The following SETD4 variants were observed in gnomAD, a reference collection of about 807,000 sequenced individuals.
SETD4 encodes the protein SET domain-containing protein 4.
In SETD4, 46 loss-of-function variants were observed where a neutral mutation model predicts 58.3. The ratio of observed to expected loss-of-function variants is 0.79; its 90% CI spans 0.62 to 1.01. The LOEUF (loss-of-function observed/expected upper bound fraction) is 1.01, where lower values mean the gene tolerates loss of function less well. Among genes scored for constraint, SETD4 ranks in the 50% least tolerant of loss-of-function variants. The pLI is 0.00. For missense variants in SETD4, 490 were observed against 523.3 expected, an observed-to-expected ratio of 0.94 and a Z score of 0.62; for synonymous variants, 190 against 202.6, an observed-to-expected ratio of 0.94 and a Z score of 0.53.
In SETD4 at chr21:36,040,985, C is replaced by G. The variant is rs773935573; in HGVS notation, c.984-330G>C. On this transcript the variant is annotated intron_variant, in intron 8 of 11. Transcript: ENST00000332131. ...ACCATCCTGGCTAACACGGTGAAAC[C>G]CCATCTCTACTAAAAATACAAAAAA... is the stretch of plus-strand genomic sequence containing the variant. Among the ~76,000 whole-genome samples, 8 of 151,844 alleles carry G rather than the reference C, an allele frequency of 5.3e-5. No individual in the cohort carries two copies. The East Asian group carries it at 9.7e-4, about 18-fold the overall frequency.
chr21:36,048,995 A>G (rs985580721), intron 4 of SETD4, among the ~76,000 whole-genome samples: 1 of 152,216 alleles, frequency 6.6e-6, no homozygotes, highest in Non-Finnish European at 1.5e-5. Context: ...AAAAAATTGT[A>G]TCCAGTGAAA....
At chr21:36,041,776 A>G (rs769551885) in intron 8 of SETD4, 31 bp downstream of exon 8, 3 of 1,413,744 alleles carry the variant, frequency 2.1e-6, no homozygotes, top group Non-Finnish European at 2.9e-6. Context: ...TCCTAAAGGA[A>G]TAATTTTAAG....
intron 3 of SETD4, 111 bp downstream of exon 3, chr21:36,056,998 G>A: frequency 1.2e-6 from 1 of 834,316 alleles, no homozygotes; most frequent in Non-Finnish European, 2.0e-6. Context: ...GGGAACACAT[G>A]CAAACCAGCT....
At chr21:36,041,413 A>T (rs949659727) in intron 8 of SETD4, among the ~76,000 whole-genome samples, 1 of 151,976 alleles carries the variant, frequency 6.6e-6, no homozygotes, top group Admixed American at 6.6e-5. Context: ...TTGGCATGGA[A>T]TCACCTCGCT....
In SETD4 at chr21:36,045,583, T is replaced by C; in HGVS notation, c.725A>G (p.Gln242Arg). The change falls in exon 6 of 12, where the codon CAG (glutamine) becomes CGG (arginine). Residue 242 changes from glutamine to arginine, a missense_variant and splice_region_variant. By Grantham distance (43) the Gln-to-Arg change is conservative (BLOSUM62 1). Coordinates refer to ENST00000332131, the MANE Select transcript of SETD4 (RefSeq NM_017438.5). The part of the protein sequence containing the change: ...LDLLNHSPHV[Q>R]VKAAFNEETH... ...GCTGCTCCCTTGTCAGCTTCTCACC[T>C]GGACATGTGGGCTATGATTCAGCAG... 6.2e-7 allele frequency: 1 copy of C among 1,612,034 alleles called. No homozygotes were observed. The highest frequency in any genetic ancestry group is 8.5e-7 in the Non-Finnish European group (1 of 1,178,494).
At chr21:36,051,164 G>A in intron 4 of SETD4, 2 of 1,579,512 alleles carry the variant, frequency 1.3e-6, no homozygotes, top group Admixed American at 1.7e-5. Flanking sequence ...CCCAGCGTAT[G>A]TCCCTGCTCT....
At chr21:36,045,332 A>G (rs1486078847) in intron 6 of SETD4, among the ~76,000 whole-genome samples, 2 of 152,220 alleles carry the variant, frequency 1.3e-5, no homozygotes, top group Non-Finnish European at 2.9e-5. Flanking sequence ...GACCGGACAG[A>G]GGATGCAGCA....
chr21:36,056,035 T>G (rs2064967596), intron 3 of SETD4, among the ~76,000 whole-genome samples: 1 of 152,072 alleles, frequency 6.6e-6, no homozygotes, highest in African/African-American at 2.4e-5. Context: ...AAACAGAAAG[T>G]CAAGCATTAT....
chr21:36,050,801 T>C (rs2064637928), intron 4 of SETD4: 3 of 1,611,642 alleles, frequency 1.9e-6, no homozygotes, highest in South Asian at 1.1e-5. Flanking sequence ...TCCAGAAGTA[T>C]GTTAAAGAGT....
chr21:36,055,204 A>T (rs1307667540), intron 3 of SETD4, among the ~76,000 whole-genome samples: 2 of 152,248 alleles, frequency 1.3e-5, no homozygotes, highest in Non-Finnish European at 2.9e-5. Flanking sequence ...AATTCTCTCC[A>T]AACATATATA....
intron 6 of SETD4, among the ~76,000 whole-genome samples, chr21:36,044,757 A>G (rs1472452644): frequency 6.6e-6 from 1 of 152,220 alleles, no homozygotes; most frequent in Non-Finnish European, 1.5e-5. Flanking sequence ...TGGGCTCACA[A>G]GGCATGGCTG....
At chr21:36,040,483 A>G in intron 9 of SETD4, 92 bp downstream of exon 9, 1 of 1,021,330 alleles carries the variant, frequency 9.8e-7, no homozygotes, top group Non-Finnish European at 1.5e-6. Context: ...CTGGCTGGGT[A>G]TCTGAATGCA....
Position 36,041,853 on chromosome 21 carries a change from G to A in SETD4, c.937C>T (p.Gln313Ter). ...AAAATAGAAATCTTTTTGTCCATCT[G>A]TTTATCTGTTGATGGAAGATATTTA... is the stretch of plus-strand genomic sequence containing the variant. ...LVKYLPSTDK[Q>*]MDKKISILKD... The change falls in exon 8 of 12, where the codon CAG (glutamine) becomes TAG (stop). Residue 313 changes from glutamine (Q) to a stop codon, truncating the protein, a stop_gained. Coordinates refer to ENST00000332131, the MANE Select transcript of SETD4 (RefSeq NM_017438.5). LOFTEE classifies it high-confidence loss of function. 6.8e-7 allele frequency: 1 copy of A among 1,471,064 alleles called. No individual in the cohort carries two copies. Among genetic ancestry groups the A allele is most frequent in the Non-Finnish European group, 9.3e-7 (1 of 1,079,954 alleles). 91.1% of individuals were successfully genotyped at this position (1,471,064 alleles called of 1,614,324 possible). A position where few individuals can be genotyped will look rare whatever the true frequency, so the allele number is the denominator to read the frequency against.
In SETD4 at chr21:36,035,974, A is replaced by G; in HGVS notation, c.*33-14T>C. On this transcript the variant is annotated splice_polypyrimidine_tract_variant and intron_variant, in intron 11 of 11. Coordinates refer to ENST00000332131, the MANE Select transcript of SETD4 (RefSeq NM_017438.5). ...TAACTTTTGTTTCTGTAGGAAAAGC[A>G]AAAGGAAAAGGATTAAGTTCCTAAT... 2 of 1,157,550 alleles carry G rather than the reference A, an allele frequency of 1.7e-6. No individual in the cohort carries two copies. The highest frequency in any genetic ancestry group is 1.5e-5 in the South Asian group (1 of 68,032). The allele number at this position is 1,157,550 out of a possible 1,614,324, so 71.7% of individuals were successfully genotyped here.
chr21:36,044,258 A>G (rs908005028), intron 6 of SETD4, among the ~76,000 whole-genome samples: 2 of 152,256 alleles, frequency 1.3e-5, no homozygotes, highest in African/African-American at 4.8e-5. Context: ...GAAGGAGGAC[A>G]TGGTGGTGCC....
chr21:36,045,502 C>A, intron 6 of SETD4, 80 bp downstream of exon 6: 1 of 1,528,948 alleles, frequency 6.5e-7, no homozygotes, highest in Non-Finnish European at 8.8e-7. Context: ...GTGGTGCCAC[C>A]CACATCTACA....
intron 4 of SETD4, chr21:36,050,337 T>A (rs975181138): frequency 1.2e-6 from 2 of 1,613,192 alleles, no homozygotes; most frequent in Admixed American, 1.7e-5. Context: ...GGAACTGGAC[T>A]TTAGGGCTGT....
intron 4 of SETD4, chr21:36,050,741 C>A: frequency 2.5e-6 from 4 of 1,612,520 alleles, no homozygotes; most frequent in Non-Finnish European, 2.5e-6. Context: ...GAGATAAGCA[C>A]CATTTGGCTG....
chr21:36,050,903 C>G, intron 4 of SETD4: 2 of 1,610,706 alleles, frequency 1.2e-6, no homozygotes, highest in Non-Finnish European at 1.7e-6. Flanking sequence ...TGCAAAGCAA[C>G]TGCTCATTAG....
Sources: gnomAD v4.1 joint callset for allele counts (sites outside exome capture counted in the v4.1 genomes callset) on GRCh38, gnomAD v4.1.1 for gene constraint, MANE v1.5 for transcripts, NCBI Gene and HGNC (gene_info 2026-07-23, HGNC 2026-07-21) for gene names.